The following BBS9 variants were observed in gnomAD, a reference collection of about 807,000 sequenced individuals.
BBS9 encodes the protein protein PTHB1.
Under a neutral mutation model 117.7 loss-of-function variants are expected in BBS9, and 89 were observed. The ratio of observed to expected loss-of-function variants is 0.76; its 90% confidence interval spans 0.64 to 0.90. The LOEUF (loss-of-function observed/expected upper bound fraction) is 0.90, where lower values mean the gene tolerates loss of function less well. Ranked by LOEUF, BBS9 falls within the 40% of genes least tolerant of loss-of-function variation. The pLI, the probability that BBS9 is intolerant of heterozygous loss-of-function variation, is 0.00. For synonymous variants in BBS9, 379 were observed against 370.9 expected (o/e 1.02, Z -0.25); for missense variants, 982 against 1,042.2 (o/e 0.94, Z 0.80).
intron 19 of BBS9, among the ~76,000 whole-genome samples, chr7:33,466,478 A>G (rs1840181518): frequency 6.6e-6 from 1 of 152,122 alleles, no homozygotes; most frequent in African/African-American, 2.4e-5. Flanking sequence ...TGGCAGGGCT[A>G]ACTTCTTTAA....
chr7:33,562,983 G>T (rs77500277), intron 21 of BBS9, among the ~76,000 whole-genome samples: 3,240 of 152,162 alleles, frequency 0.021, 50 homozygotes, highest in East Asian at 0.047. Context: ...ACAAAACCAA[G>T]AAATGCTCAT....
At chr7:33,364,175 C>G (rs1273910627) in intron 16 of BBS9, among the ~76,000 whole-genome samples, 1 of 33,242 alleles carries the variant, frequency 3.0e-5, no homozygotes, top group Non-Finnish European at 6.4e-5. Context: ...GTCTCGATCT[C>G]CTGACCTCGT....
intron 2 of BBS9, among the ~76,000 whole-genome samples, chr7:33,146,864 T>A (rs1183885886): frequency 6.6e-6 from 1 of 152,192 alleles, no homozygotes; most frequent in Non-Finnish European, 1.5e-5. Context: ...TTGTTTATGT[T>A]CTGGTTTGTA....
At chr7:33,179,366 G>A (rs1797777378) in intron 5 of BBS9, among the ~76,000 whole-genome samples, 1 of 152,180 alleles carries the variant, frequency 6.6e-6, no homozygotes, top group African/African-American at 2.4e-5. Context: ...AGCAGGAGGT[G>A]AGCGGCAGGT....
At chr7:33,575,949 A>T (rs1858776055) in intron 21 of BBS9, among the ~76,000 whole-genome samples, 1 of 152,208 alleles carries the variant, frequency 6.6e-6, no homozygotes, top group South Asian at 2.1e-4. Context: ...AGCCAGTATC[A>T]TACTGAATGG....
chr7:33,575,317 T>C (rs556955629), intron 21 of BBS9, among the ~76,000 whole-genome samples: 21 of 151,922 alleles, frequency 1.4e-4, no homozygotes, highest in Non-Finnish European at 2.5e-4. Flanking sequence ...CTTAAATAAA[T>C]GTCCTCTTGG....
intron 21 of BBS9, among the ~76,000 whole-genome samples, chr7:33,541,236 T>G (rs10282539): frequency 0.62 from 94,728 of 151,826 alleles, 30,550 homozygotes; most frequent in African/African-American, 0.77. Flanking sequence ...GATCTCAGTG[T>G]ATGATGTTAC....
At chr7:33,561,745 G>C (rs1425680398) in intron 21 of BBS9, among the ~76,000 whole-genome samples, 1 of 152,072 alleles carries the variant, frequency 6.6e-6, no homozygotes, top group East Asian at 1.9e-4. Context: ...TATGAAGAAG[G>C]AAAAATGCTT....
chr7:33,446,938 T>G lies in BBS9; in HGVS notation c.2116-58525T>G, dbSNP rs552604179. Among the ~76,000 whole-genome samples the G allele has an allele frequency of 2.0e-5, 3 of 152,286 alleles. No homozygotes were observed. The East Asian group carries it at 5.8e-4, about 29-fold the overall frequency. On this transcript the variant is annotated intron_variant, in intron 19 of 22. Coordinates refer to ENST00000242067, the MANE Select transcript of BBS9 (RefSeq NM_198428.3). Reference sequence around the variant, plus strand: ...ACTGCTAGGCTCATTTCACCCTAGATTGGCTAAAGGTGGCAAGTTCTGCCA... The same window carrying G: ...ACTGCTAGGCTCATTTCACCCTAGAGTGGCTAAAGGTGGCAAGTTCTGCCA...
At chr7:33,280,481 C>T (rs10265926) in intron 9 of BBS9, among the ~76,000 whole-genome samples, 27,660 of 152,072 alleles carry the variant, frequency 0.18, 3,003 homozygotes, top group East Asian at 0.44. Context: ...GTTTCTATTT[C>T]GAGACATAGC....
intron 19 of BBS9, among the ~76,000 whole-genome samples, chr7:33,398,761 CAG>C (rs1189298817): frequency 1.3e-5 from 2 of 152,104 alleles, no homozygotes; most frequent in African/African-American, 4.8e-5. Context: ...TTTTTTGAGA[CAG>C]AGTCTCGCCC....
At position 33,360,331 on chromosome 7, in the gene BBS9, A is replaced by G. The variant is rs192090426; in HGVS notation, c.1693+2336A>G. On this transcript the variant is annotated intron_variant, in intron 16 of 22. Coordinates refer to ENST00000242067, the MANE Select transcript of BBS9 (RefSeq NM_198428.3). ...ATATAGTGTGAAATTGACTTCCTTAAGGAATACCAGTTAACCCTAACAACA... is the reference window on the plus strand; with the variant it reads ...ATATAGTGTGAAATTGACTTCCTTAGGGAATACCAGTTAACCCTAACAACA... Among the ~76,000 whole-genome samples, 51 of 152,224 alleles carry G rather than the reference A, an allele frequency of 3.4e-4. 1 individual carries two copies. The highest frequency in any genetic ancestry group is 1.1e-3 in the African/African-American group (45 of 41,540).
At chr7:33,425,238 C>G (rs931368419) in intron 19 of BBS9, among the ~76,000 whole-genome samples, 3 of 152,138 alleles carry the variant, frequency 2.0e-5, no homozygotes, top group Non-Finnish European at 2.9e-5. Flanking sequence ...GTTAGTCTTT[C>G]TACTTAGACC....
intron 12 of BBS9, 141 bp from the exon 13 acceptor site, chr7:33,348,927 C>T (rs1226409269): frequency 4.8e-6 from 3 of 624,814 alleles, no homozygotes; most frequent in Admixed American, 4.6e-5. Flanking sequence ...CTATTACTTA[C>T]TGTATTATGT....
At chr7:33,385,382 T>A (rs1177714469) in intron 18 of BBS9, among the ~76,000 whole-genome samples, 1 of 152,228 alleles carries the variant, frequency 6.6e-6, no homozygotes, top group Non-Finnish European at 1.5e-5. Flanking sequence ...GATTTTAAAC[T>A]TTGAATACAG....
chr7:33,269,037 A>G (rs1025973459), intron 7 of BBS9, among the ~76,000 whole-genome samples: 1 of 152,242 alleles, frequency 6.6e-6, no homozygotes, highest in African/African-American at 2.4e-5. Context: ...AGTTCAGCTT[A>G]AGATAGTCTG....
chr7:33,350,717 T>C (rs568404748), intron 13 of BBS9, among the ~76,000 whole-genome samples: 1 of 152,364 alleles, frequency 6.6e-6, no homozygotes, highest in South Asian at 2.1e-4. Flanking sequence ...CTAGTAGCTG[T>C]GTTACCTTAG....
chr7:33,500,367 A>G (rs1845277601), intron 19 of BBS9, among the ~76,000 whole-genome samples: 1 of 152,242 alleles, frequency 6.6e-6, no homozygotes, highest in Non-Finnish European at 1.5e-5. Context: ...TATAATTTGT[A>G]TATTGGTGTA....
intron 9 of BBS9, among the ~76,000 whole-genome samples, chr7:33,300,655 A>G (rs1048511644): frequency 2.6e-5 from 4 of 151,846 alleles, no homozygotes; most frequent in Admixed American, 2.0e-4. Flanking sequence ...AGCAATATCA[A>G]TACTATCCCT....
Sources: gnomAD v4.1 joint callset for allele counts (sites outside exome capture counted in the v4.1 genomes callset) on GRCh38, gnomAD v4.1.1 for gene constraint, MANE v1.5 for transcripts, NCBI Gene and HGNC (gene_info 2026-07-23, HGNC 2026-07-21) for gene names.